The following CCDC88B variants were observed in gnomAD, a reference collection of about 807,000 sequenced individuals.
The protein encoded by CCDC88B is coiled-coil and HOOK domain protein 88B, also known as coiled-coil domain-containing protein 88B.
CCDC88B carries 138 observed loss-of-function variants against 183.7 expected under a neutral mutation model. That is an observed-to-expected ratio of 0.75 (90% CI 0.65 to 0.87). The LOEUF (loss-of-function observed/expected upper bound fraction) is 0.87. Among genes scored for constraint, CCDC88B ranks in the 40% least tolerant of loss-of-function variants. CCDC88B has a pLI of 0.00. For missense variants in CCDC88B, 1,822 were observed against 1,965.6 expected (o/e 0.93, Z 1.38); for synonymous variants, 835 against 867.5 (o/e 0.96, Z 0.66).
chr11:64,353,089 G>C lies in CCDC88B; in HGVS notation c.3536G>C (p.Arg1179Pro). The change falls in exon 21 of 27, where the codon CGG becomes CCG. Residue 1179 changes from arginine (R) to proline (P), a missense_variant. Transcript: ENST00000356786. ...CTGCTGGCAGAGTTGTCTCGGGAGC[G>C]GGGTGAGCTGCAGGGTGAACGCGGG... ...QMLLAELSRE[R>P]GELQGERGEL... 6.2e-7 allele frequency: 1 copy of C among 1,606,754 alleles called. No homozygotes were observed. The highest frequency in any genetic ancestry group is 8.5e-7 in the Non-Finnish European group (1 of 1,177,436).
rs905477580 is a variant in CCDC88B at position 64,353,447 on chromosome 11, C to T, written c.3784C>T (p.Arg1262Cys). The T allele has an allele frequency of 3.1e-6, 5 of 1,612,784 alleles. No homozygotes were observed. Among genetic ancestry groups the T allele is most frequent in the South Asian group, 1.1e-5 (1 of 91,054 alleles). Residue 1262 changes from arginine to cysteine, a missense_variant, in exon 22 of 27, where the codon CGC (arginine) becomes TGC (cysteine). Arg to Cys is a radical substitution (Grantham distance 180, BLOSUM62 -3). Coordinates refer to ENST00000356786, the MANE Select transcript of CCDC88B (RefSeq NM_032251.6). ...LSRENRELLE[R>C]SLESRDHLHR... The stretch of plus-strand genomic sequence containing the variant: ...CCGGGAGAACAGGGAGCTCCTGGAG[C>T]GCAGCCTGGAGAGTCGGGACCACCT...
At chr11:64,355,514 A>C (rs772114241) in intron 25 of CCDC88B, 46 bp from the exon 26 acceptor site, 1 of 1,608,406 alleles carries the variant, frequency 6.2e-7, no homozygotes, top group African/African-American at 1.3e-5. Context: ...AGCTCTGTCC[A>C]CTTCCGCACT....
chr11:64,355,482 C>T (rs1271576314), intron 25 of CCDC88B, 78 bp from the exon 26 acceptor site: 1 of 1,590,906 alleles, frequency 6.3e-7, no homozygotes, highest in Non-Finnish European at 8.6e-7. Flanking sequence ...AGGCTTCCTT[C>T]TTGTCCCCTG....
chr11:64,348,162 G>C (rs1178346689), intron 14 of CCDC88B, among the ~76,000 whole-genome samples: 2 of 152,054 alleles, frequency 1.3e-5, no homozygotes, highest in Admixed American at 1.3e-4. Flanking sequence ...TGTTCCATGG[G>C]AGGGAATGGC....
At chr11:64,355,005 C>T (rs574597736) in intron 24 of CCDC88B, among the ~76,000 whole-genome samples, 189 bp from the exon 25 acceptor site, 34 of 111,148 alleles carry the variant, frequency 3.1e-4, no homozygotes, top group Non-Finnish European at 4.9e-4. Flanking sequence ...TGGCCCTCTC[C>T]GTGCATGAGC....
At position 64,344,633 on chromosome 11, in the gene CCDC88B, C is replaced by A; in HGVS notation, c.2092C>A (p.Pro698Thr). Reference protein sequence around the residue: ...GTVRDPAWQKPQQKSEGALEV... With the variant: ...GTVRDPAWQKTQQKSEGALEV... ...GGTCAGGGACCCAGCCTGGCAAAAA[C>A]CACAGCAGAAGTCAGAAGGGGCTCT... Residue 698 changes from proline to threonine, a missense_variant, in exon 14 of 27, where the codon CCA becomes ACA. Physicochemically the swap from Pro to Thr is conservative, Grantham distance 38. Transcript: ENST00000356786. The surrounding 1 kb of genome is among the most constrained non-coding windows in gnomAD (Gnocchi z 4.5). The A allele has an allele frequency of 6.2e-7, 1 of 1,613,670 alleles. No homozygotes were observed. The highest frequency in any genetic ancestry group is 8.5e-7 in the Non-Finnish European group (1 of 1,179,824).
chr11:64,341,477 G>A lies in CCDC88B; in HGVS notation c.504G>A (p.Gln168=), dbSNP rs776765853. 2.5e-6 allele frequency: 4 copies of A among 1,613,770 alleles called. No individual in the cohort carries two copies. The African/African-American group carries it at 4.0e-5, about 16-fold the overall frequency. Residue 168 remains glutamine, a synonymous_variant, in exon 6 of 27, where the codon CAG becomes CAA. Coordinates refer to ENST00000356786, the MANE Select transcript of CCDC88B (RefSeq NM_032251.6). The stretch of plus-strand genomic sequence containing the variant: ...TCCAGGGCCTCAGTCTCGAGGTCCA[G>A]AGCGAGCTGGCCGCTGCCATCCAGG... ...RHIQGLSLEV[Q]SELAAAIQEV... is the part of the protein sequence containing the mutation.
rs1355259819 is a variant in CCDC88B at position 64,340,933 on chromosome 11, G to A, written c.233G>A (p.Arg78Gln). The A allele has an allele frequency of 1.3e-6, 2 of 1,573,220 alleles. No homozygotes were observed. The highest frequency in any genetic ancestry group is 1.7e-6 in the Non-Finnish European group (2 of 1,158,732). ...IIAPSSRGGP[R>Q]MLRGLDGPAA... is the part of the protein sequence containing the mutation. ...GCCCCCAGCTCCCGAGGGGGACCTC[G>A]GATGCTCAGAGGCCTTGACGGACCT... The change falls in exon 3 of 27, where the codon CGG becomes CAG. Residue 78 changes from arginine (R) to glutamine (Q), a missense_variant. Transcript: ENST00000356786.
At position 64,356,876 on chromosome 11, in the gene CCDC88B, C is replaced by T. The variant is rs1040224429; in HGVS notation, c.4376-163C>T. 3 of 650,348 alleles carry T rather than the reference C, an allele frequency of 4.6e-6. No homozygotes were observed. The Admixed American group carries it at 8.5e-5, about 18-fold the overall frequency. The allele number at this position is 650,348 out of a possible 1,614,324, so 40.3% of individuals were successfully genotyped here. On this transcript the variant is annotated intron_variant, in intron 26 of 26. Coordinates refer to ENST00000356786, the MANE Select transcript of CCDC88B (RefSeq NM_032251.6). ...TGTGGACATACCTGAGAACAGCATT[C>T]TGGGCAGAGGGAACCGCTGAGGGAA...
chr11:64,344,542 C>T lies in CCDC88B; in HGVS notation c.2001C>T (p.Asn667=), dbSNP rs2036023149. The T allele has an allele frequency of 4.4e-6, 7 of 1,604,894 alleles. No individual in the cohort carries two copies. Among genetic ancestry groups the T allele is most frequent in the South Asian group, 1.1e-5 (1 of 90,208 alleles). Residue 667 remains asparagine (N), a synonymous_variant, in exon 14 of 27, where the codon AAC becomes AAT. Coordinates refer to ENST00000356786, the MANE Select transcript of CCDC88B (RefSeq NM_032251.6). The surrounding 1 kb of genome is among the most constrained non-coding windows in gnomAD (Gnocchi z 4.5). ...SVQLEEQEGP[N]QGLDLATGQA... ...AGCTGGAGGAGCAGGAGGGCCCAAA[C>T]CAGGGCCTGGACCTGGCCACGGGAC... is the stretch of plus-strand genomic sequence containing the variant.
chr11:64,352,451 CAG>C (rs2036375868), intron 19 of CCDC88B, 65 bp downstream of exon 19: 5 of 1,472,640 alleles, frequency 3.4e-6, no homozygotes, highest in Non-Finnish European at 3.6e-6. Context: ...AGACTCCCCT[CAG>C]CAGGTCTGAC....
rs371168565 is a variant in CCDC88B at position 64,357,066 on chromosome 11, G to A, written c.4403G>A (p.Arg1468His). The change falls in exon 27 of 27, where the codon CGT becomes CAT. Residue 1468 changes from arginine to histidine, a missense_variant. By Grantham distance (29) the Arg-to-His change is conservative. Transcript: ENST00000356786. Reference protein sequence around the residue: ...EGPEVQEPEKRPLTPSLSQ With the variant: ...EGPEVQEPEKHPLTPSLSQ The stretch of plus-strand genomic sequence containing the variant: ...CCTGAGGTACAGGAACCGGAGAAAC[G>A]TCCCCTCACCCCATCCCTCAGCCAG... 2.3e-5 allele frequency: 37 copies of A among 1,605,224 alleles called. No homozygotes were observed. The highest frequency in any genetic ancestry group is 1.3e-4 in the African/African-American group (10 of 74,610).
chr11:64,344,402 G>A lies in CCDC88B; in HGVS notation c.1861G>A (p.Gly621Arg), dbSNP rs2036015064. Residue 621 changes from glycine (G) to arginine (R), a missense_variant, in exon 14 of 27, where the codon GGA becomes AGA. By Grantham distance (125) the Gly-to-Arg change is moderately radical. Coordinates refer to ENST00000356786, the MANE Select transcript of CCDC88B (RefSeq NM_032251.6). This position sits in a 1 kb window ranked among gnomAD's most constrained non-coding sequence, Gnocchi z 4.5. Reference sequence around the variant, plus strand: ...CAAAATTCAGGCCCCGCAGTTGCTGGGAGGAGAGACAGAGGGAAGAGAGGC... The same window carrying A: ...CAAAATTCAGGCCCCGCAGTTGCTGAGAGGAGAGACAGAGGGAAGAGAGGC... ...GTKIQAPQLL[G>R]GETEGREAPQ... 2 of 1,587,102 alleles carry A rather than the reference G, an allele frequency of 1.3e-6. No individual in the cohort carries two copies. Among genetic ancestry groups the A allele is most frequent in the East Asian group, 2.2e-5 (1 of 44,594 alleles).
chr11:64,353,018 A>G (rs1451193855), intron 20 of CCDC88B, 36 bp from the exon 21 acceptor site: 1 of 1,546,692 alleles, frequency 6.5e-7, no homozygotes, highest in Admixed American at 2.0e-5. Context: ...CTGGGGACCC[A>G]GGTCCCTTGG....
chr11:64,342,522 G>A lies in CCDC88B; in HGVS notation c.904G>A (p.Ala302Thr), dbSNP rs1484333203. The change falls in exon 10 of 27, where the codon GCC becomes ACC. Residue 302 changes from alanine (A) to threonine (T), a missense_variant and splice_region_variant. Physicochemically the swap from Ala to Thr is moderately conservative, Grantham distance 58. Coordinates refer to ENST00000356786, the MANE Select transcript of CCDC88B (RefSeq NM_032251.6). ...CCCAGCTCCACACCGTCTGGCCCAGGCCCAGGCGCTGTCGGGACAGGCCAA... is the reference window on the plus strand; with the variant it reads ...CCCAGCTCCACACCGTCTGGCCCAGACCCAGGCGCTGTCGGGACAGGCCAA... Reference protein sequence around the residue: ...EAEIRRLRQEAQALSGQAKRA... With the variant: ...EAEIRRLRQETQALSGQAKRA... The A allele has an allele frequency of 1.3e-6, 2 of 1,528,230 alleles. No homozygotes were observed. The highest frequency in any genetic ancestry group is 8.8e-7 in the Non-Finnish European group (1 of 1,142,510). 94.7% of individuals were successfully genotyped at this position (1,528,230 alleles called of 1,614,324 possible). A position where few individuals can be genotyped will look rare whatever the true frequency, so the allele number is the denominator to read the frequency against.
intron 14 of CCDC88B, among the ~76,000 whole-genome samples, chr11:64,348,622 C>T (rs2036208842): frequency 6.6e-6 from 1 of 152,204 alleles, no homozygotes; most frequent in South Asian, 2.1e-4. Context: ...AGGTAGTTTT[C>T]AGCAGCAAGG....
chr11:64,343,516 T>G lies in CCDC88B; in HGVS notation c.1219T>G (p.Ser407Ala). 1.3e-6 allele frequency: 2 copies of G among 1,551,678 alleles called. No individual in the cohort carries two copies. The highest frequency in any genetic ancestry group is 1.7e-6 in the Non-Finnish European group (2 of 1,146,974). The change falls in exon 12 of 27, where the codon TCT (serine) becomes GCT (alanine). Residue 407 changes from serine to alanine, a missense_variant. By Grantham distance (99) the Ser-to-Ala change is moderately conservative. Coordinates refer to ENST00000356786, the MANE Select transcript of CCDC88B (RefSeq NM_032251.6). ...CTTCCCTCACCCCCAGGAGCTGGAC[T>G]CTCTGCGGCATCAGGTGGACCAGCT... ...RLGEAHAELD[S>A]LRHQVDQLAE...
chr11:64,344,035 TC>T lies in CCDC88B; in HGVS notation c.1496del (p.Pro499GlnfsTer39). 2 of 1,574,020 alleles carry T rather than the reference TC, an allele frequency of 1.3e-6. No individual in the cohort carries two copies. Among genetic ancestry groups the T allele is most frequent in the Non-Finnish European group, 1.7e-6 (2 of 1,158,912 alleles). On this transcript the variant is annotated frameshift_variant, in exon 14 of 27. Transcript: ENST00000356786. LOFTEE classifies it high-confidence loss of function. The surrounding 1 kb of genome is among the most constrained non-coding windows in gnomAD (Gnocchi z 4.5). Reference sequence around the variant, plus strand: ...AGGCACCGAGAGAGGACCCTGTTCTTCCAGTGCTGGAGGAGGCTCCCCAGAC... The same window carrying T: ...AGGCACCGAGAGAGGACCCTGTTCTTCAGTGCTGGAGGAGGCTCCCCAGAC... The part of the protein sequence containing the change: ...LEAPREDPVL[P>X]VLEEAPQTPV...
rs770933713 is a variant in CCDC88B at position 64,343,271 on chromosome 11, C to T, written c.1155C>T (p.His385=). The change falls in exon 11 of 27, where the codon CAC becomes CAT. Residue 385 remains histidine (H), a synonymous_variant. Transcript: ENST00000356786. ...CCCGAGAGCGCTGCGCCCGGCTGCACGAGACCCAGCGCGAGAACCTGCTGC... is the reference window on the plus strand; with the variant it reads ...CCCGAGAGCGCTGCGCCCGGCTGCATGAGACCCAGCGCGAGAACCTGCTGC... ...EAARERCARL[H]ETQRENLLLR... 53 of 1,549,452 alleles carry T rather than the reference C, an allele frequency of 3.4e-5. No homozygotes were observed. Among genetic ancestry groups the T allele is most frequent in the African/African-American group, 6.8e-5 (5 of 73,008 alleles).
Sources: gnomAD v4.1 joint callset for allele counts (sites outside exome capture counted in the v4.1 genomes callset) on GRCh38, gnomAD v4.1.1 for gene constraint, Gnocchi (gnomAD v3.1) non-coding constraint, MANE v1.5 for transcripts, NCBI Gene and HGNC (gene_info 2026-07-23, HGNC 2026-07-21) for gene names.